TLE4: variants seen among roughly 807,000 people sequenced by gnomAD.
The protein encoded by TLE4 is TLE family member 4, transcriptional corepressor.
A neutral mutation model predicts 92.8 loss-of-function variants in TLE4; 8 were observed. That is an observed-to-expected ratio of 0.09 (90% CI 0.05 to 0.16). The LOEUF is 0.16. Ranked by LOEUF, TLE4 falls within the 10% of genes least tolerant of loss-of-function variation. The pLI is 1.00. For synonymous variants in TLE4, 371 were observed against 374.1 expected, an observed-to-expected ratio of 0.99 and a Z score of 0.10; for missense variants, 675 against 997.6, an observed-to-expected ratio of 0.68 and a Z score of 4.36.
chr9:79,724,899 G>T, intron 19 of TLE4, 138 bp from the exon 20 acceptor site: 7 of 366,956 alleles, frequency 1.9e-5, no homozygotes, highest in Admixed American at 3.3e-5. Flanking sequence ...TACTGTCCAT[G>T]ACCACCTTTC....
At chr9:79,623,312 A>G (rs1024546421) in intron 5 of TLE4, among the ~76,000 whole-genome samples, 1 of 152,162 alleles carries the variant, frequency 6.6e-6, no homozygotes. Flanking sequence ...TATTCTCATC[A>G]TAATACCTTC....
chr9:79,679,212 G>T (rs1474567854), intron 8 of TLE4, among the ~76,000 whole-genome samples: 1 of 152,024 alleles, frequency 6.6e-6, no homozygotes, highest in Non-Finnish European at 1.5e-5. Context: ...CTTCCACAAT[G>T]GTTGAACTAG....
chr9:79,653,434 T>G (rs1260257753), intron 7 of TLE4, among the ~76,000 whole-genome samples: 2 of 152,228 alleles, frequency 1.3e-5, no homozygotes, highest in East Asian at 1.9e-4. Context: ...CTAGGTTGAT[T>G]TCCTTCCTCC....
At chr9:79,620,246 G>A (rs1041210576) in intron 5 of TLE4, among the ~76,000 whole-genome samples, 1 of 152,214 alleles carries the variant, frequency 6.6e-6, no homozygotes, top group African/African-American at 2.4e-5. Context: ...CAATACAGTA[G>A]TAGCTATGTA....
intron 4 of TLE4, among the ~76,000 whole-genome samples, chr9:79,596,282 A>T (rs950948958): frequency 1.3e-5 from 2 of 152,136 alleles, no homozygotes; most frequent in Middle Eastern, 3.2e-3. Context: ...CTCCTGCCTG[A>T]TGATATTCTT....
chr9:79,609,790 G>T (rs1003115460), intron 4 of TLE4, among the ~76,000 whole-genome samples: 1 of 151,962 alleles, frequency 6.6e-6, no homozygotes, highest in African/African-American at 2.4e-5. Flanking sequence ...CTGTTTAAAT[G>T]GGCTATCTGT....
intron 6 of TLE4, among the ~76,000 whole-genome samples, chr9:79,632,547 G>A (rs2054584318): frequency 6.6e-6 from 1 of 152,136 alleles, no homozygotes; most frequent in Non-Finnish European, 1.5e-5. Context: ...GTAGGTAATT[G>A]TAGTCATGTA....
At chr9:79,655,022 G>A (rs928032468) in intron 8 of TLE4, among the ~76,000 whole-genome samples, 28 of 152,226 alleles carry the variant, frequency 1.8e-4, no homozygotes, top group Non-Finnish European at 3.4e-4. Flanking sequence ...TGCGCCTGTA[G>A]CCCCAGCTAC....
intron 6 of TLE4, among the ~76,000 whole-genome samples, chr9:79,650,208 G>A (rs62569314): frequency 0.026 from 4,029 of 152,128 alleles, 84 homozygotes; most frequent in African/African-American, 0.054. Context: ...GAGCCACTGC[G>A]CCAGGCTTGG....
At chr9:79,649,906 T>C (rs758205019) in intron 6 of TLE4, 11 of 1,321,694 alleles carry the variant, frequency 8.3e-6, no homozygotes, top group Non-Finnish European at 1.1e-5. Context: ...TTGTTGTTTT[T>C]TTGTTTTTTG....
intron 5 of TLE4, among the ~76,000 whole-genome samples, chr9:79,613,391 T>C (rs1159231437): frequency 6.6e-6 from 1 of 152,120 alleles, no homozygotes; most frequent in Non-Finnish European, 1.5e-5. Context: ...CAGGCACAGG[T>C]TGGAATAAAG....
rs191160095 is a variant in TLE4 at position 79,593,033 on chromosome 9, A to G, written c.252+16856A>G. ...TCTTTTTTTCTCCCTAATGTGAGGC[A>G]TATTCTGTATTTTCAACCTTTACCC... On this transcript the variant is annotated intron_variant, in intron 4 of 19. Transcript: ENST00000376552. Among the ~76,000 whole-genome samples the G allele has an allele frequency of 2.9e-3, 441 of 152,306 alleles. 1 individual carries two copies. The highest frequency in any genetic ancestry group is 0.01 in the African/African-American group (416 of 41,564).
chr9:79,581,736 C>T (rs2039727477), intron 4 of TLE4, among the ~76,000 whole-genome samples: 1 of 152,162 alleles, frequency 6.6e-6, no homozygotes, highest in Non-Finnish European at 1.5e-5. Flanking sequence ...GAGGATATCT[C>T]CTGGGAGATG....
chr9:79,572,915 T>G, intron 1 of TLE4, 80 bp downstream of exon 1: 1 of 1,486,484 alleles, frequency 6.7e-7, no homozygotes, highest in Non-Finnish European at 9.1e-7. Context: ...GAGTTGTGTC[T>G]TTTGGCCGGA....
intron 8 of TLE4, among the ~76,000 whole-genome samples, chr9:79,673,167 G>A (rs1168501636): frequency 6.6e-6 from 1 of 152,156 alleles, no homozygotes; most frequent in African/African-American, 2.4e-5. Context: ...ATATCAGAGA[G>A]AATTGTACAG....
At chr9:79,687,699 G>T (rs2066181278) in intron 8 of TLE4, among the ~76,000 whole-genome samples, 1 of 152,156 alleles carries the variant, frequency 6.6e-6, no homozygotes, top group South Asian at 2.1e-4. Context: ...CTTTGTACAG[G>T]CTGGTTTCTT....
intron 4 of TLE4, among the ~76,000 whole-genome samples, chr9:79,590,428 T>C (rs1018021242): frequency 1.3e-5 from 2 of 152,130 alleles, no homozygotes; most frequent in Admixed American, 6.5e-5. Flanking sequence ...AGGTGTCAGA[T>C]TTAGGAGAGG....
intron 4 of TLE4, among the ~76,000 whole-genome samples, chr9:79,600,740 G>A (rs1055472413): frequency 6.6e-6 from 1 of 152,234 alleles, no homozygotes; most frequent in South Asian, 2.1e-4. Context: ...CTGTGCCCAT[G>A]GCTCCCCAAG....
At chr9:79,672,439 T>G (rs1339130785) in intron 8 of TLE4, among the ~76,000 whole-genome samples, 2 of 152,114 alleles carry the variant, frequency 1.3e-5, no homozygotes, top group Non-Finnish European at 2.9e-5. Flanking sequence ...GGAGATGTCT[T>G]TCAAGTGAAT....
Sources: gnomAD v4.1 joint callset for allele counts (sites outside exome capture counted in the v4.1 genomes callset) on GRCh38, gnomAD v4.1.1 for gene constraint, MANE v1.5 for transcripts, NCBI Gene and HGNC (gene_info 2026-07-23, HGNC 2026-07-21) for gene names.